The following CD58 variants were observed in gnomAD, a reference collection of about 807,000 sequenced individuals.
The protein encoded by CD58 is CD58 molecule, also known as lymphocyte function-associated antigen 3.
Under a neutral mutation model 27.6 loss-of-function variants are expected in CD58, and 14 were observed. That is an observed-to-expected ratio of 0.51 (90% CI 0.34 to 0.79). The LOEUF (loss-of-function observed/expected upper bound fraction) is 0.79. Ranked by LOEUF, CD58 falls within the 30% of genes least tolerant of loss-of-function variation. The pLI is 0.02. For missense variants in CD58, 268 were observed against 301.7 expected (o/e 0.89, Z 0.83); for synonymous variants, 117 against 103.8 (o/e 1.13, Z -0.77).
rs1489174978 is a variant in CD58, at chr1:116,552,104, G to T, written c.71-7500C>A. Among the ~76,000 whole-genome samples the T allele has an allele frequency of 6.6e-6, 1 of 152,164 alleles. No homozygotes were observed. Among genetic ancestry groups the T allele is most frequent in the Non-Finnish European group, 1.5e-5 (1 of 68,036 alleles). On this transcript the variant is annotated intron_variant, in intron 1 of 5. Transcript: ENST00000369489. The surrounding 1 kb of genome is among the most constrained non-coding windows in gnomAD (Gnocchi z 4.5). The stretch of plus-strand genomic sequence containing the variant: ...AATCATTTCTAGTTTTTAATTTAAA[G>T]TGAGAGACAGTGCAACTCTTCTTTT...
At chr1:116,568,905 G>C (rs1417499111) in intron 1 of CD58, among the ~76,000 whole-genome samples, 1 of 152,256 alleles carries the variant, frequency 6.6e-6, no homozygotes, top group Non-Finnish European at 1.5e-5. Flanking sequence ...TCCCTAATGA[G>C]GCAGGCTTGG....
Position 116,519,119 on chromosome 1 carries a change from T to C in CD58, c.743+112A>G. 1 of 1,550,994 alleles carries C rather than the reference T, an allele frequency of 6.4e-7. No homozygotes were observed. Among genetic ancestry groups the C allele is most frequent in the Non-Finnish European group, 8.7e-7 (1 of 1,146,198 alleles). On this transcript the variant is annotated intron_variant, in intron 5 of 5. Coordinates refer to ENST00000369489, the MANE Select transcript of CD58 (RefSeq NM_001779.3). This position sits in a 1 kb window ranked among gnomAD's most constrained non-coding sequence, Gnocchi z 4.7. ...TATATCTGCTGATGTTACTTCTTATTACTGTACAAGGCAACCAACAGATGA... is the reference window on the plus strand; with the variant it reads ...TATATCTGCTGATGTTACTTCTTATCACTGTACAAGGCAACCAACAGATGA...
chr1:116,547,053 G>T (rs1219243361), intron 1 of CD58, among the ~76,000 whole-genome samples: 2 of 148,730 alleles, frequency 1.3e-5, no homozygotes, highest in African/African-American at 4.9e-5. Context: ...GTGATGTTTG[G>T]TTACATGGAT....
rs1658262324 is a variant in CD58 at position 116,548,218 on chromosome 1, A to G, written c.71-3614T>C. The stretch of plus-strand genomic sequence containing the variant: ...TGGATATTGGTCCTTTGTCAGATAC[A>G]TAGTTTGTGAATATTTTCTCCCACT... On this transcript the variant is annotated intron_variant, in intron 1 of 5. Coordinates refer to ENST00000369489, the MANE Select transcript of CD58 (RefSeq NM_001779.3). 1.3e-5 allele frequency among the ~76,000 whole-genome samples: 2 copies of G among 152,184 alleles called. 1 individual carries two copies. Among genetic ancestry groups the G allele is most frequent in the South Asian group, 4.1e-4 (2 of 4,836 alleles).
chr1:116,518,583 G>T, intron 5 of CD58: 2 of 722,344 alleles, frequency 2.8e-6, no homozygotes, highest in Non-Finnish European at 3.4e-6. Flanking sequence ...GCTACTTCTT[G>T]TCCTGCCCTT....
rs538951144 is a variant in CD58, at chr1:116,552,328, A to G, written c.71-7724T>C. On this transcript the variant is annotated intron_variant, in intron 1 of 5. Transcript: ENST00000369489. This position sits in a 1 kb window ranked among gnomAD's most constrained non-coding sequence, Gnocchi z 4.5. ...TGGTTCTTGGCATCCCAAAACAATG[A>G]CAACAGTAACATCAAAGATCACTGA... Among the ~76,000 whole-genome samples the G allele has an allele frequency of 2.1e-4, 32 of 152,348 alleles. No homozygotes were observed. Among genetic ancestry groups the G allele is most frequent in the African/African-American group, 7.5e-4 (31 of 41,584 alleles).
chr1:116,568,285 A>G (rs1004330148), intron 1 of CD58, among the ~76,000 whole-genome samples: 3 of 152,182 alleles, frequency 2.0e-5, no homozygotes, highest in African/African-American at 7.2e-5. Context: ...ATGAGATCTG[A>G]AACTCTCAAA....
rs757365296 is a variant in CD58, at chr1:116,563,830, G to T, written c.70+7073C>A. 6.6e-6 allele frequency among the ~76,000 whole-genome samples: 1 copy of T among 152,200 alleles called. No homozygotes were observed. On this transcript the variant is annotated intron_variant, in intron 1 of 5. Transcript: ENST00000369489. This position sits in a 1 kb window ranked among gnomAD's most constrained non-coding sequence, Gnocchi z 4.1. ...TGTGATAGGAGGGGCTGCCATGAAG[G>T]TTTCTGATATGCCCTGGAGACATTT... is the stretch of plus-strand genomic sequence containing the variant.
intron 3 of CD58, chr1:116,533,642 TTGC>T (rs35039078): frequency 5.6e-4 from 387 of 695,490 alleles, no homozygotes; most frequent in African/African-American, 5.3e-3. Flanking sequence ...TCTTCAGCTG[TTGC>T]TGCTGCTTTT....
chr1:116,529,545 G>A (rs1003688171), intron 3 of CD58, among the ~76,000 whole-genome samples: 1 of 152,208 alleles, frequency 6.6e-6, no homozygotes, highest in Non-Finnish European at 1.5e-5. Flanking sequence ...TTTGAGTTCA[G>A]ATGGAGTTGG....
chr1:116,533,265 C>A (rs1657677045), intron 3 of CD58: 1 of 1,100,842 alleles, frequency 9.1e-7, no homozygotes, highest in Non-Finnish European at 1.4e-6. Context: ...TCTAACAGTG[C>A]CTGGACCCTT....
rs1173710164 is a variant in CD58 at position 116,519,084 on chromosome 1, C to T, written c.743+147G>A. On this transcript the variant is annotated intron_variant, in intron 5 of 5. Coordinates refer to ENST00000369489, the MANE Select transcript of CD58 (RefSeq NM_001779.3). The surrounding 1 kb of genome is among the most constrained non-coding windows in gnomAD (Gnocchi z 4.7). ...TGGCACACAGTTGGTACTTAATACACTATGGTTAGTATATCTGCTGATGTT... is the reference window on the plus strand; with the variant it reads ...TGGCACACAGTTGGTACTTAATACATTATGGTTAGTATATCTGCTGATGTT... The T allele has an allele frequency of 1.0e-5, 15 of 1,473,392 alleles. No homozygotes were observed. In the East Asian group the frequency reaches 3.5e-4, roughly 34 times the overall value. 91.3% of individuals were successfully genotyped at this position (1,473,392 alleles called of 1,614,324 possible). A position where few individuals can be genotyped will look rare whatever the true frequency, so the allele number is the denominator to read the frequency against.
rs145748899 is a variant in CD58, at chr1:116,537,464, T to C, written c.365-1236A>G. The stretch of plus-strand genomic sequence containing the variant: ...CATAATACATCTGACTCAATACATT[T>C]TGTGAAAGGTGGAGCTACACAGAGC... On this transcript the variant is annotated intron_variant, in intron 2 of 5. Transcript: ENST00000369489. Among the ~76,000 whole-genome samples, 20 of 152,340 alleles carry C rather than the reference T, an allele frequency of 1.3e-4. No individual in the cohort carries two copies. In the East Asian group the frequency reaches 3.9e-3, roughly 29 times the overall value.
intron 3 of CD58, among the ~76,000 whole-genome samples, chr1:116,526,496 A>G (rs1455717120): frequency 6.6e-6 from 1 of 152,206 alleles, no homozygotes. Context: ...TCAGTTGACC[A>G]TATTTATGTT....
At chr1:116,548,721 C>T (rs1658280848) in intron 1 of CD58, among the ~76,000 whole-genome samples, 1 of 152,064 alleles carries the variant, frequency 6.6e-6, no homozygotes, top group South Asian at 2.1e-4. Flanking sequence ...CCATGTTGTT[C>T]AAGGGTCAAC....
chr1:116,535,901 C>A, intron 3 of CD58, 64 bp downstream of exon 3: 14 of 981,566 alleles, frequency 1.4e-5, no homozygotes, highest in South Asian at 3.1e-5. Context: ...AAATTGTGAA[C>A]CTTGTGTTAG....
Position 116,544,603 on chromosome 1 carries a change from AC to A in CD58, c.71del (p.Gly24ValfsTer18). ...LSVVCLLHCFGFISCFSQQIY... is the reference protein window; with the variant it reads ...LSVVCLLHCFXFISCFSQQIY... ...TTTGTTGGGAAAAACAGCTGATGAAACCTAGGAGAGAAAAAAAAATTGGTTA... is the reference window on the plus strand; with the variant it reads ...TTTGTTGGGAAAAACAGCTGATGAAACTAGGAGAGAAAAAAAAATTGGTTA... On this transcript the variant is annotated frameshift_variant and splice_region_variant, in exon 2 of 6. Coordinates refer to ENST00000369489, the MANE Select transcript of CD58 (RefSeq NM_001779.3). LOFTEE classifies it high-confidence loss of function. 2 of 1,555,664 alleles carry A rather than the reference AC, an allele frequency of 1.3e-6. No individual in the cohort carries two copies. The highest frequency in any genetic ancestry group is 1.7e-6 in the Non-Finnish European group (2 of 1,154,350).
chr1:116,532,791 G>C lies in CD58; in HGVS notation c.628+3174C>G, dbSNP rs1657659787. 1 of 521,600 alleles carries C rather than the reference G, an allele frequency of 1.9e-6. No individual in the cohort carries two copies. The highest frequency in any genetic ancestry group is 1.9e-5 in the African/African-American group (1 of 51,540). The allele number at this position is 521,600 out of a possible 1,614,324, so 32.3% of individuals were successfully genotyped here. A position where few individuals can be genotyped will look rare whatever the true frequency, so the allele number is the denominator to read the frequency against. On this transcript the variant is annotated intron_variant, in intron 3 of 5. Transcript: ENST00000369489. This position sits in a 1 kb window ranked among gnomAD's most constrained non-coding sequence, Gnocchi z 5.1. ...GCAAAATAATAAGGAAAAAGGAAAA[G>C]TGAAAGTGAAAATCATGCACTTGAA...
chr1:116,570,171 G>T lies in CD58; in HGVS notation c.70+732C>A, dbSNP rs776274359. Among the ~76,000 whole-genome samples, 48 of 152,220 alleles carry T rather than the reference G, an allele frequency of 3.2e-4. No homozygotes were observed. Among genetic ancestry groups the T allele is most frequent in the Admixed American group, 1.2e-3 (19 of 15,292 alleles). On this transcript the variant is annotated intron_variant, in intron 1 of 5. Transcript: ENST00000369489. This position sits in a 1 kb window ranked among gnomAD's most constrained non-coding sequence, Gnocchi z 6.4. The stretch of plus-strand genomic sequence containing the variant: ...CCTGACTGGGGCCAATGTGTGGAGG[G>T]TGAAGGAGGATGGGGAGGCAAAATG...
Sources: allele counts gnomAD v4.1 joint callset (sites outside exome capture counted in the v4.1 genomes callset), GRCh38; gene constraint gnomAD v4.1.1; non-coding constraint Gnocchi (gnomAD v3.1); transcripts MANE v1.5; gene names NCBI Gene and HGNC (gene_info 2026-07-23, HGNC 2026-07-21).